The following FBXL7 variants were observed in gnomAD, a reference collection of about 807,000 sequenced individuals.
The protein encoded by FBXL7 is F-box and leucine rich repeat protein 7.
FBXL7 carries 12 observed loss-of-function variants against 38.3 expected under a neutral mutation model. The observed-to-expected ratio is 0.31, with a 90% CI of 0.20 to 0.51. The LOEUF is 0.51. FBXL7 is among the 20% of genes least tolerant of loss of function. The pLI, the probability that FBXL7 is intolerant of heterozygous loss-of-function variation, is 0.98. For missense variants in FBXL7, 567 were observed against 676.4 expected (o/e 0.84, Z 1.79); for synonymous variants, 297 against 300.9 (o/e 0.99, Z 0.13).
At chr5:15,613,825 T>C (rs1378493872) in intron 1 of FBXL7, among the ~76,000 whole-genome samples, 2 of 152,168 alleles carry the variant, frequency 1.3e-5, no homozygotes, top group Non-Finnish European at 2.9e-5. Context: ...CTGGGGGGCT[T>C]ATAAACAACA....
chr5:15,685,074 A>G (rs985896503), intron 2 of FBXL7, among the ~76,000 whole-genome samples: 8 of 151,946 alleles, frequency 5.3e-5, no homozygotes, highest in African/African-American at 1.9e-4. Context: ...ATCCCTGCTT[A>G]TCTAAAATTT....
intron 2 of FBXL7, among the ~76,000 whole-genome samples, chr5:15,714,712 G>A (rs1289793016): frequency 6.6e-6 from 1 of 152,056 alleles, no homozygotes; most frequent in African/African-American, 2.4e-5. Context: ...AGCTGGGAAT[G>A]GTGGCGGGCG....
At chr5:15,811,699 AAAG>A (rs1737865538) in intron 2 of FBXL7, among the ~76,000 whole-genome samples, 1 of 152,180 alleles carries the variant, frequency 6.6e-6, no homozygotes, top group South Asian at 2.1e-4. Context: ...ACACTTCGCA[AAAG>A]AAGACATTTA....
chr5:15,711,017 A>C (rs960863531), intron 2 of FBXL7, among the ~76,000 whole-genome samples: 2 of 152,170 alleles, frequency 1.3e-5, no homozygotes, highest in Non-Finnish European at 2.9e-5. Flanking sequence ...GATAAGTTTC[A>C]CGAGATCTGA....
At position 15,666,422 on chromosome 5, in the gene FBXL7, T is replaced by C. The variant is rs7712442; in HGVS notation, c.127+50350T>C. ...ACTATATTTATTTCTGCAACAACTT[T>C]GTGCAAGAAGAAAATGGTGTCAGCT... On this transcript the variant is annotated intron_variant, in intron 2 of 3. Transcript: ENST00000504595. 2.8e-3 allele frequency among the ~76,000 whole-genome samples: 432 copies of C among 152,336 alleles called. 2 individuals carry two copies. The highest frequency in any genetic ancestry group is 9.9e-3 in the African/African-American group (413 of 41,594).
chr5:15,818,625 T>C (rs6877086), intron 2 of FBXL7, among the ~76,000 whole-genome samples: 4,682 of 152,122 alleles, frequency 0.031, 252 homozygotes, highest in African/African-American at 0.11. Context: ...TAAATAAGCA[T>C]ATTAGTAAAA....
At chr5:15,636,757 TC>T (rs2126549595) in intron 2 of FBXL7, among the ~76,000 whole-genome samples, 1 of 152,016 alleles carries the variant, frequency 6.6e-6, no homozygotes, top group Admixed American at 6.6e-5. Context: ...GAGCAGAATA[TC>T]CTTTGTGATT....
At chr5:15,597,797 C>T (rs1002858805) in intron 1 of FBXL7, among the ~76,000 whole-genome samples, 2 of 152,166 alleles carry the variant, frequency 1.3e-5, no homozygotes, top group African/African-American at 4.8e-5. Context: ...AATCAAGTCT[C>T]AGTACATCAA....
At chr5:15,752,107 C>T (rs1307199400) in intron 2 of FBXL7, among the ~76,000 whole-genome samples, 2 of 152,118 alleles carry the variant, frequency 1.3e-5, no homozygotes, top group Non-Finnish European at 2.9e-5. Context: ...CACATTGCTT[C>T]ACATGGAAGT....
intron 2 of FBXL7, among the ~76,000 whole-genome samples, chr5:15,913,896 G>C (rs1458141379): frequency 6.6e-6 from 1 of 152,130 alleles, no homozygotes; most frequent in South Asian, 2.1e-4. Flanking sequence ...AGAGAAGCCA[G>C]TTCCAGTTAT....
At chr5:15,786,190 C>T (rs1737128372) in intron 2 of FBXL7, among the ~76,000 whole-genome samples, 1 of 152,172 alleles carries the variant, frequency 6.6e-6, no homozygotes, top group Admixed American at 6.5e-5. Flanking sequence ...GGTGAATTCT[C>T]AGTAATCATT....
At chr5:15,625,494 A>G (rs1233397854) in intron 2 of FBXL7, among the ~76,000 whole-genome samples, 2 of 152,154 alleles carry the variant, frequency 1.3e-5, no homozygotes, top group Non-Finnish European at 2.9e-5. Flanking sequence ...CTCTACTAAA[A>G]ATACAAAAAA....
chr5:15,700,911 A>G (rs1337908474), intron 2 of FBXL7, among the ~76,000 whole-genome samples: 1 of 152,074 alleles, frequency 6.6e-6, no homozygotes, highest in Non-Finnish European at 1.5e-5. Context: ...TGAGGTACAG[A>G]TTTTTGATAT....
intron 2 of FBXL7, among the ~76,000 whole-genome samples, chr5:15,917,339 A>C (rs1579599316): frequency 6.6e-6 from 1 of 152,318 alleles, no homozygotes; most frequent in East Asian, 1.9e-4. Context: ...TTTGAAATAA[A>C]AAAAAATCAC....
At chr5:15,673,208 C>T (rs559297794) in intron 2 of FBXL7, among the ~76,000 whole-genome samples, 4 of 152,022 alleles carry the variant, frequency 2.6e-5, no homozygotes, top group South Asian at 2.1e-4. Flanking sequence ...CCCAGCTACT[C>T]GCGAGGCTGA....
chr5:15,543,392 G>A (rs1561021887), intron 1 of FBXL7, among the ~76,000 whole-genome samples: 1 of 152,194 alleles, frequency 6.6e-6, no homozygotes, highest in Non-Finnish European at 1.5e-5. Context: ...GTGTCCACCT[G>A]GCTCCACCCT....
chr5:15,819,440 A>C (rs956961408), intron 2 of FBXL7, among the ~76,000 whole-genome samples: 1 of 152,104 alleles, frequency 6.6e-6, no homozygotes, highest in African/African-American at 2.4e-5. Context: ...AATTTAAAAA[A>C]CACCTATTAT....
intron 1 of FBXL7, among the ~76,000 whole-genome samples, chr5:15,532,020 G>A (rs1737446439): frequency 6.6e-6 from 1 of 152,172 alleles, no homozygotes; most frequent in Non-Finnish European, 1.5e-5. Flanking sequence ...GAATATCATA[G>A]GCTTCTGTAA....
In FBXL7 at chr5:15,936,479, A is replaced by C. The variant is rs557631491; in HGVS notation, c.769A>C (p.Thr257Pro). The C allele has an allele frequency of 6.2e-7, 1 of 1,613,162 alleles. No individual in the cohort carries two copies. The change falls in exon 4 of 4, where the codon ACC (threonine) becomes CCC (proline). Residue 257 changes from threonine (T) to proline (P), a missense_variant. Transcript: ENST00000504595. This position sits in a 1 kb window ranked among gnomAD's most constrained non-coding sequence, Gnocchi z 6.0. ...CTCCAAAGTGACCTGCATCAGCTTGACCCGGGAGGCCTCCATTAAACTGTC... is the reference window on the plus strand; with the variant it reads ...CTCCAAAGTGACCTGCATCAGCTTGCCCCGGGAGGCCTCCATTAAACTGTC... ...GCSKVTCISL[T>P]REASIKLSPL...
Sources: allele counts gnomAD v4.1 joint callset (sites outside exome capture counted in the v4.1 genomes callset), GRCh38; gene constraint gnomAD v4.1.1; non-coding constraint Gnocchi (gnomAD v3.1); transcripts MANE v1.5; gene names NCBI Gene and HGNC (gene_info 2026-07-23, HGNC 2026-07-21).